Variants in SPIDR observed in about 807,000 individuals in gnomAD.
SPIDR encodes scaffold protein involved in DNA repair, also known as DNA repair-scaffolding protein.
In SPIDR, 93 loss-of-function variants were observed where a neutral mutation model predicts 104.6. The observed-to-expected ratio is 0.89, with a 90% CI of 0.75 to 1.06. The LOEUF is 1.06. SPIDR is among the 50% of genes least tolerant of loss of function. The probability of loss-of-function intolerance (pLI) is 0.00; values close to 1 mark genes in which losing one functional copy is unlikely to be tolerated. For missense variants in SPIDR, 1,154 were observed against 1,111.2 expected (o/e 1.04, Z -0.55); for synonymous variants, 431 against 416.9 (o/e 1.03, Z -0.41).
chr8:47,626,494 C>G (rs879771757), intron 10 of SPIDR, among the ~76,000 whole-genome samples: 4 of 152,128 alleles, frequency 2.6e-5, no homozygotes, highest in South Asian at 2.1e-4. Context: ...ACTCATCTGA[C>G]AAAGGGCTAA....
chr8:47,449,594 TTCTGTTGGGACA>T (rs1202395660), intron 8 of SPIDR, among the ~76,000 whole-genome samples: 1 of 152,236 alleles, frequency 6.6e-6, no homozygotes, highest in African/African-American at 2.4e-5. Context: ...TGAGATTATC[TTCTGTTGGGACA>T]ACAAGGAATT....
chr8:47,468,794 G>C (rs555538174), intron 8 of SPIDR, among the ~76,000 whole-genome samples: 59 of 152,242 alleles, frequency 3.9e-4, no homozygotes, highest in African/African-American at 1.4e-3. Context: ...ATTTCATTAT[G>C]AAGACACCAG....
At chr8:47,689,400 AC>A (rs2078297196) in intron 11 of SPIDR, among the ~76,000 whole-genome samples, 1 of 152,216 alleles carries the variant, frequency 6.6e-6, no homozygotes, top group Non-Finnish European at 1.5e-5. Flanking sequence ...GTCAAGAGCT[AC>A]CGTTTATCGC....
chr8:47,483,667 T>C (rs2077170706), intron 8 of SPIDR, among the ~76,000 whole-genome samples: 1 of 152,232 alleles, frequency 6.6e-6, no homozygotes, highest in Non-Finnish European at 1.5e-5. Flanking sequence ...CTGTGAAGGT[T>C]AATGTATGCT....
At chr8:47,279,549 A>AG in intron 1 of SPIDR, 1 of 228,814 alleles carries the variant, frequency 4.4e-6, no homozygotes, top group Non-Finnish European at 8.8e-6. Context: ...CTAGGTTCTC[A>AG]GGGGGCCTCC....
chr8:47,299,871 T>A (rs2041708391), intron 5 of SPIDR, among the ~76,000 whole-genome samples: 1 of 152,178 alleles, frequency 6.6e-6, no homozygotes, highest in Admixed American at 6.6e-5. Context: ...TATTGAGGAT[T>A]TTTGCATCGA....
chr8:47,610,488 G>T (rs540132619), intron 10 of SPIDR, among the ~76,000 whole-genome samples: 1 of 152,158 alleles, frequency 6.6e-6, no homozygotes, highest in Admixed American at 6.5e-5. Context: ...CTGAGCCACC[G>T]CACCTTGCTG....
chr8:47,303,849 G>A (rs2042667092), intron 5 of SPIDR, among the ~76,000 whole-genome samples: 1 of 152,052 alleles, frequency 6.6e-6, no homozygotes, highest in South Asian at 2.1e-4. Context: ...ACTAATTTTT[G>A]TATTTTTAGT....
chr8:47,565,990 A>G (rs552892467), intron 8 of SPIDR, among the ~76,000 whole-genome samples: 1 of 29,352 alleles, frequency 3.4e-5, no homozygotes. Context: ...ATATATATAT[A>G]TATTTTTTTT....
At chr8:47,616,589 A>G (rs952661987) in intron 10 of SPIDR, among the ~76,000 whole-genome samples, 2 of 152,218 alleles carry the variant, frequency 1.3e-5, no homozygotes, top group Admixed American at 6.5e-5. Flanking sequence ...GATATTCTCT[A>G]TAGTGGGAAT....
chr8:47,512,914 ACT>A (rs2082578727), intron 8 of SPIDR, among the ~76,000 whole-genome samples: 4 of 152,074 alleles, frequency 2.6e-5, no homozygotes, highest in Admixed American at 2.6e-4. Flanking sequence ...AAGTCTTGAA[ACT>A]CTGTAAGAAT....
At chr8:47,689,436 G>C (rs2154478922) in intron 11 of SPIDR, among the ~76,000 whole-genome samples, 1 of 152,256 alleles carries the variant, frequency 6.6e-6, no homozygotes, top group East Asian at 1.9e-4. Flanking sequence ...CGTTTTGTGT[G>C]ATCTTCAAAA....
chr8:47,361,731 C>T (rs1424132509), intron 5 of SPIDR, among the ~76,000 whole-genome samples: 2 of 152,158 alleles, frequency 1.3e-5, no homozygotes, highest in African/African-American at 4.8e-5. Flanking sequence ...GAGCAGCAGG[C>T]TTGCAGGTCG....
intron 7 of SPIDR, among the ~76,000 whole-genome samples, chr8:47,428,112 C>T (rs1364385171): frequency 2.6e-5 from 4 of 152,122 alleles, no homozygotes; most frequent in Non-Finnish European, 5.9e-5. Context: ...TTTGTAGAGA[C>T]GTGGTTTCAC....
At chr8:47,377,050 A>G (rs2058740764) in intron 5 of SPIDR, among the ~76,000 whole-genome samples, 1 of 152,210 alleles carries the variant, frequency 6.6e-6, no homozygotes, top group Non-Finnish European at 1.5e-5. Context: ...TATTTACCAT[A>G]TAGTCCTTTA....
intron 7 of SPIDR, among the ~76,000 whole-genome samples, chr8:47,420,459 A>G (rs1307107653): frequency 2.6e-5 from 4 of 151,428 alleles, no homozygotes; most frequent in Non-Finnish European, 5.9e-5. Context: ...TTTGTTTTCC[A>G]TTTGCTTTTA....
At chr8:47,265,477 A>T (rs1554545991) in intron 1 of SPIDR, among the ~76,000 whole-genome samples, 1 of 151,894 alleles carries the variant, frequency 6.6e-6, no homozygotes, top group African/African-American at 2.4e-5. Flanking sequence ...AGCGTGAACC[A>T]CTGTGCCTGG....
intron 8 of SPIDR, among the ~76,000 whole-genome samples, chr8:47,497,527 T>C (rs937741849): frequency 6.6e-6 from 1 of 152,226 alleles, no homozygotes; most frequent in Admixed American, 6.5e-5. Context: ...TTCTTAGTGC[T>C]GTTGATTTCA....
chr8:47,515,319 T>G (rs1013828985), intron 8 of SPIDR, among the ~76,000 whole-genome samples: 12 of 152,252 alleles, frequency 7.9e-5, no homozygotes, highest in Non-Finnish European at 1.6e-4. Context: ...GAGGGATTGT[T>G]CTCTGCTTTT....
Sources: allele counts gnomAD v4.1 joint callset (sites outside exome capture counted in the v4.1 genomes callset), GRCh38; gene constraint gnomAD v4.1.1; transcripts MANE v1.5; gene names NCBI Gene and HGNC (gene_info 2026-07-23, HGNC 2026-07-21).